DNAH11: variants seen among roughly 807,000 people sequenced by gnomAD.
The protein encoded by DNAH11 is dynein axonemal heavy chain 11.
In DNAH11, 442 loss-of-function variants were observed where a neutral mutation model predicts 526.0. The ratio of observed to expected loss-of-function variants is 0.84; its 90% confidence interval spans 0.78 to 0.91. The LOEUF is 0.91. Among genes scored for constraint, DNAH11 ranks in the 40% least tolerant of loss-of-function variants. The probability of loss-of-function intolerance (pLI) is 0.00; values close to 1 mark genes in which losing one functional copy is unlikely to be tolerated. For synonymous variants in DNAH11, 2,461 were observed against 1,935.9 expected (o/e 1.27, Z -7.12); for missense variants, 6,989 against 5,448.7 (o/e 1.28, Z -8.90).
chr7:21,661,454 A>C (rs998411340), intron 30 of DNAH11, among the ~76,000 whole-genome samples: 2 of 151,932 alleles, frequency 1.3e-5, no homozygotes, highest in African/African-American at 4.8e-5. Context: ...AGTTTTTTTT[A>C]ATACCTGAAA....
chr7:21,716,332 G>A lies in DNAH11; in HGVS notation c.6984-1443G>A, dbSNP rs74477981. On this transcript the variant is annotated intron_variant, in intron 42 of 81. Transcript: ENST00000409508. ...CACCAACTCTGTACTAATGAGTAACGTTTATTGAGAATTTATTTGTCAGAT... is the reference window on the plus strand; with the variant it reads ...CACCAACTCTGTACTAATGAGTAACATTTATTGAGAATTTATTTGTCAGAT... 8.1e-3 allele frequency among the ~76,000 whole-genome samples: 1,234 copies of A among 152,236 alleles called. 22 individuals are homozygous for A. Among genetic ancestry groups the A allele is most frequent in the African/African-American group, 0.028 (1,173 of 41,544 alleles).
At position 21,830,413 on chromosome 7, in the gene DNAH11, C is replaced by T. The variant is rs115369673; in HGVS notation, c.10691+12074C>T. Among the ~76,000 whole-genome samples the T allele has an allele frequency of 9.7e-3, 1,470 of 152,256 alleles. 28 individuals are homozygous for T. The highest frequency in any genetic ancestry group is 0.033 in the African/African-American group (1,367 of 41,532). On this transcript the variant is annotated intron_variant, in intron 65 of 81. Transcript: ENST00000409508. Reference sequence around the variant, plus strand: ...AGTTTCTGACCAAAGACTAGCAGGGCGTGTGCTCTGAACTGTGTCTGTTGT... The same window carrying T: ...AGTTTCTGACCAAAGACTAGCAGGGTGTGTGCTCTGAACTGTGTCTGTTGT...
At chr7:21,870,454 G>A (rs969121232) in intron 73 of DNAH11, among the ~76,000 whole-genome samples, 6 of 152,144 alleles carry the variant, frequency 3.9e-5, no homozygotes, top group African/African-American at 1.4e-4. Flanking sequence ...GCAGTGTAGT[G>A]CATCCCCTTC....
chr7:21,583,409 C>G (rs1436491191), intron 9 of DNAH11, among the ~76,000 whole-genome samples: 2 of 152,290 alleles, frequency 1.3e-5, no homozygotes, highest in East Asian at 3.9e-4. Flanking sequence ...AACTGGACCT[C>G]TTCCTTACAC....
intron 29 of DNAH11, among the ~76,000 whole-genome samples, chr7:21,658,164 A>ATTTT (rs1782097124): frequency 6.6e-6 from 1 of 152,084 alleles, no homozygotes; most frequent in African/African-American, 2.4e-5. Context: ...ATTTTTTAAA[A>ATTTT]AAAAAAAGAT....
At chr7:21,612,308 C>T (rs1451491866) in intron 20 of DNAH11, among the ~76,000 whole-genome samples, 1 of 152,034 alleles carries the variant, frequency 6.6e-6, no homozygotes, top group Admixed American at 6.6e-5. Context: ...GTAATCCCAG[C>T]ACTTTGGGAG....
intron 65 of DNAH11, among the ~76,000 whole-genome samples, chr7:21,832,435 G>A (rs185253234): frequency 6.6e-6 from 1 of 152,246 alleles, no homozygotes. Flanking sequence ...AGCTTAGTTT[G>A]GCTGGCTTTC....
intron 20 of DNAH11, among the ~76,000 whole-genome samples, chr7:21,614,378 A>G (rs993626679): frequency 3.3e-5 from 5 of 152,218 alleles, no homozygotes; most frequent in Admixed American, 6.5e-5. Flanking sequence ...ATAGCATCCA[A>G]AAGAATGACT....
intron 25 of DNAH11, among the ~76,000 whole-genome samples, chr7:21,635,422 C>G (rs1786815419): frequency 6.6e-6 from 1 of 152,156 alleles, no homozygotes; most frequent in Non-Finnish European, 1.5e-5. Context: ...TCCCAAAGTG[C>G]TGGGATTACA....
At chr7:21,556,514 A>T (rs551667733) in intron 2 of DNAH11, among the ~76,000 whole-genome samples, 21 of 152,246 alleles carry the variant, frequency 1.4e-4, no homozygotes, top group African/African-American at 4.8e-4. Context: ...ACAAATCTAA[A>T]CTTTTTTCTT....
chr7:21,891,970 T>C (rs554785871), intron 76 of DNAH11, among the ~76,000 whole-genome samples: 1 of 152,218 alleles, frequency 6.6e-6, no homozygotes, highest in East Asian at 1.9e-4. Flanking sequence ...TATGGTGCCC[T>C]GGGGAAGTAC....
chr7:21,620,071 A>C lies in DNAH11; in HGVS notation c.4493A>C (p.His1498Pro). The change falls in exon 25 of 82, where the codon CAC becomes CCC. Residue 1498 changes from histidine (H) to proline (P), a missense_variant. His to Pro is a moderately conservative substitution (Grantham distance 77). Coordinates refer to ENST00000409508, the MANE Select transcript of DNAH11 (RefSeq NM_001277115.2). ...SDEQLFETLE[H>P]NQVQLQTLLQ... ...GAACAACTTTTTGAAACTCTAGAGC[A>C]CAACCAAGTAAGATGGATATTTTTA... The C allele has an allele frequency of 6.3e-7, 1 of 1,582,222 alleles. No individual in the cohort carries two copies. Among genetic ancestry groups the C allele is most frequent in the South Asian group, 1.2e-5 (1 of 83,422 alleles).
chr7:21,547,681 C>T (rs1311281207), intron 2 of DNAH11, among the ~76,000 whole-genome samples: 1 of 152,176 alleles, frequency 6.6e-6, no homozygotes, highest in East Asian at 1.9e-4. Context: ...TCATGACTTT[C>T]TACATGCATG....
At chr7:21,633,757 C>G (rs1002300034) in intron 25 of DNAH11, among the ~76,000 whole-genome samples, 1 of 152,080 alleles carries the variant, frequency 6.6e-6, no homozygotes, top group Non-Finnish European at 1.5e-5. Context: ...GGCGGAAGAC[C>G]CAGGGAGGGC....
intron 8 of DNAH11, among the ~76,000 whole-genome samples, chr7:21,576,040 G>A (rs1322267413): frequency 1.3e-5 from 2 of 152,262 alleles, no homozygotes; most frequent in East Asian, 3.9e-4. Context: ...CTCCCAGTAA[G>A]TGCAACTAAA....
rs774265492 is a variant in DNAH11, at chr7:21,711,761, G to A, written c.6884G>A (p.Arg2295Lys). ...CGCATTGCACTCACTCCCTTCATGA[G>A]GCTTCTGTTTGAGATACATCACTTA... ...NERIALTPFMRLLFEIHHLRS... is the reference protein window; with the variant it reads ...NERIALTPFMKLLFEIHHLRS... The change falls in exon 42 of 82, where the codon AGG becomes AAG. Residue 2295 changes from arginine to lysine, a missense_variant. Arg to Lys is a conservative substitution (Grantham distance 26). Transcript: ENST00000409508. 1 of 1,613,846 alleles carries A rather than the reference G, an allele frequency of 6.2e-7. No homozygotes were observed. The highest frequency in any genetic ancestry group is 1.1e-5 in the South Asian group (1 of 91,082).
chr7:21,682,293 A>C (rs1350548496), intron 31 of DNAH11, among the ~76,000 whole-genome samples: 2 of 152,072 alleles, frequency 1.3e-5, no homozygotes, highest in African/African-American at 4.8e-5. Context: ...TTGGGAGGCC[A>C]AGGCAGGCAG....
intron 49 of DNAH11, 38 bp downstream of exon 49, chr7:21,742,204 G>C: frequency 6.2e-7 from 1 of 1,602,164 alleles, no homozygotes; most frequent in Non-Finnish European, 8.5e-7. Context: ...CTTGAGTAGA[G>C]AAATAATGAT....
At chr7:21,884,799 T>G (rs1357189999) in intron 76 of DNAH11, among the ~76,000 whole-genome samples, 7 of 152,214 alleles carry the variant, frequency 4.6e-5, no homozygotes, top group Non-Finnish European at 7.3e-5. Flanking sequence ...AAGAGTTTTG[T>G]GCGTCTTTTG....
Sources: allele counts gnomAD v4.1 joint callset (sites outside exome capture counted in the v4.1 genomes callset), GRCh38; gene constraint gnomAD v4.1.1; transcripts MANE v1.5; gene names NCBI Gene and HGNC (gene_info 2026-07-23, HGNC 2026-07-21).